Variants in FKBP5 observed in about 807,000 individuals in gnomAD.
The protein encoded by FKBP5 is FKBP prolyl isomerase 5.
Under a neutral mutation model 50.5 loss-of-function variants are expected in FKBP5, and 23 were observed. The observed-to-expected ratio is 0.46, with a 90% CI of 0.33 to 0.65. FKBP5 has a LOEUF of 0.65. FKBP5 is among the 30% of genes least tolerant of loss of function. FKBP5 has a pLI of 0.02. For missense variants in FKBP5, 411 were observed against 553.1 expected (o/e 0.74, Z 2.58); for synonymous variants, 176 against 190.6 (o/e 0.92, Z 0.63).
intron 1 of FKBP5, among the ~76,000 whole-genome samples, chr6:35,679,372 AC>A (rs1418823226): frequency 6.6e-6 from 1 of 152,238 alleles, no homozygotes; most frequent in Non-Finnish European, 1.5e-5. Context: ...TCAATTAAAC[AC>A]CATAGTGAAA....
chr6:35,655,057 C>G (rs184862327), intron 1 of FKBP5, among the ~76,000 whole-genome samples: 150 of 152,096 alleles, frequency 9.9e-4, no homozygotes, highest in African/African-American at 3.4e-3. Context: ...CTCGGTGGCT[C>G]ACAACTGTAA....
intron 4 of FKBP5, among the ~76,000 whole-genome samples, chr6:35,619,630 G>A (rs1036150718): frequency 2.6e-5 from 4 of 152,206 alleles, no homozygotes; most frequent in Non-Finnish European, 4.4e-5. Context: ...GATTAAAGGT[G>A]TATTTTACCT....
upstream of FKBP5, among the ~76,000 whole-genome samples, chr6:35,689,569 G>A (rs1765942382): frequency 6.6e-6 from 1 of 152,112 alleles, no homozygotes; most frequent in African/African-American, 2.4e-5. Flanking sequence ...TCGGCCAGGT[G>A]GGGTGGCTCA....
At chr6:35,586,836 A>G (rs1762614725) in intron 8 of FKBP5, 198 bp downstream of exon 8, 3 of 1,439,646 alleles carry the variant, frequency 2.1e-6, no homozygotes, top group Non-Finnish European at 2.7e-6. Flanking sequence ...TGTGTAAAAG[A>G]GGAATCTGTA....
chr6:35,704,311 C>T (rs866050312), intron 2 of FKBP5, among the ~76,000 whole-genome samples: 1 of 152,180 alleles, frequency 6.6e-6, no homozygotes, highest in Admixed American at 6.5e-5. Flanking sequence ...ACTGTGGTTT[C>T]CAGGATGACC....
chr6:35,615,124 A>AAACAAC (rs534273489), intron 5 of FKBP5, among the ~76,000 whole-genome samples: 146 of 148,314 alleles, frequency 9.8e-4, no homozygotes, highest in African/African-American at 3.0e-3. Flanking sequence ...ACTCTGTCGC[A>AAACAAC]AACAACAACA....
intron 9 of FKBP5, among the ~76,000 whole-genome samples, chr6:35,578,040 T>G (rs1762279609): frequency 8.6e-6 from 1 of 115,778 alleles, no homozygotes. Context: ...GGTGACAGAG[T>G]GAGACTCTTG....
chr6:35,593,708 C>T (rs377275148), intron 6 of FKBP5, among the ~76,000 whole-genome samples: 2 of 152,088 alleles, frequency 1.3e-5, no homozygotes, highest in Admixed American at 1.3e-4. Context: ...GCATGCACCA[C>T]CACGCCCAGC....
chr6:35,666,666 G>A (rs945504280), intron 1 of FKBP5, among the ~76,000 whole-genome samples: 6 of 152,042 alleles, frequency 3.9e-5, no homozygotes, highest in East Asian at 1.9e-4. Context: ...TGAGGCAGGC[G>A]GATCACGAGT....
chr6:35,583,956 C>G (rs1762523802), intron 8 of FKBP5: 1 of 985,258 alleles, frequency 1.0e-6, no homozygotes, highest in South Asian at 4.7e-5. Flanking sequence ...TTCTCCTCAA[C>G]TAGTTTGTTT....
chr6:35,726,143 T>A (rs550847317), intron 1 of FKBP5, among the ~76,000 whole-genome samples: 11 of 152,310 alleles, frequency 7.2e-5, no homozygotes, highest in African/African-American at 2.6e-4. Context: ...AGTCACAGCC[T>A]GTAAGGGCTG....
chr6:35,620,563 T>TAA (rs564725729), intron 3 of FKBP5, among the ~76,000 whole-genome samples: 7 of 122,614 alleles, frequency 5.7e-5, no homozygotes, highest in Non-Finnish European at 7.0e-5. Flanking sequence ...ACCTCATCTC[T>TAA]AAAAAAAAAA....
intron 5 of FKBP5, among the ~76,000 whole-genome samples, chr6:35,603,999 C>T (rs1440415822): frequency 6.6e-6 from 1 of 150,700 alleles, no homozygotes; most frequent in African/African-American, 2.4e-5. Context: ...AGCCACCGTG[C>T]CCGGCCTCTT....
intron 7 of FKBP5, among the ~76,000 whole-genome samples, chr6:35,587,553 T>C (rs1237019975): frequency 1.3e-5 from 2 of 152,212 alleles, no homozygotes; most frequent in African/African-American, 4.8e-5. Context: ...AGTTTGTATA[T>C]TCATACAGAA....
chr6:35,579,546 T>G (rs1762355869), intron 9 of FKBP5, among the ~76,000 whole-genome samples: 1 of 152,122 alleles, frequency 6.6e-6, no homozygotes, highest in South Asian at 2.1e-4. Context: ...AAGACAAATG[T>G]AAAAATAAAA....
intron 1 of FKBP5, among the ~76,000 whole-genome samples, chr6:35,669,806 T>C (rs1211796873): frequency 6.6e-6 from 1 of 152,224 alleles, no homozygotes; most frequent in Non-Finnish European, 1.5e-5. Context: ...AGAAAAAGTT[T>C]CTCTCTTCTG....
intron 8 of FKBP5, chr6:35,586,342 C>T (rs1293578719): frequency 1.7e-5 from 17 of 985,104 alleles, no homozygotes; most frequent in Non-Finnish European, 1.9e-5. Context: ...GGAGATTCCT[C>T]ATAAAAGCAA....
chr6:35,660,747 T>C (rs151038510), intron 1 of FKBP5, among the ~76,000 whole-genome samples: 2,393 of 83,990 alleles, frequency 0.028, 974 homozygotes, highest in Non-Finnish European at 0.044. Flanking sequence ...ACTTGTTCTA[T>C]CAATTATTGA....
At chr6:35,630,471 C>T (rs972116628) in intron 3 of FKBP5, among the ~76,000 whole-genome samples, 17 of 152,010 alleles carry the variant, frequency 1.1e-4, no homozygotes, top group Non-Finnish European at 2.9e-5. Flanking sequence ...CACTTGAACC[C>T]GGGAGGCAGA....
Sources: gnomAD v4.1 joint callset for allele counts (sites outside exome capture counted in the v4.1 genomes callset) on GRCh38, gnomAD v4.1.1 for gene constraint, MANE v1.5 for transcripts, NCBI Gene and HGNC (gene_info 2026-07-23, HGNC 2026-07-21) for gene names.